Variants in ANK3 observed in about 807,000 individuals in gnomAD.
ANK3 encodes ankyrin-3.
In ANK3, 57 loss-of-function variants were observed where a neutral mutation model predicts 370.9. The ratio of observed to expected loss-of-function variants is 0.15; its 90% confidence interval spans 0.12 to 0.19. The LOEUF is 0.19. ANK3 is among the 10% of genes least tolerant of loss of function. The probability of loss-of-function intolerance (pLI) is 1.00; values close to 1 mark genes in which losing one functional copy is unlikely to be tolerated. For synonymous variants in ANK3, 1,929 were observed against 1,946.3 expected (o/e 0.99, Z 0.23); for missense variants, 4,439 against 5,302.1 (o/e 0.84, Z 5.06).
At chr10:60,556,713 A>G (rs904540266) in intron 2 of ANK3, among the ~76,000 whole-genome samples, 7 of 152,224 alleles carry the variant, frequency 4.6e-5, no homozygotes, top group African/African-American at 7.2e-5. Context: ...TAATACAATA[A>G]AAATCAAAGT....
intron 1 of ANK3, among the ~76,000 whole-genome samples, chr10:60,627,894 C>A (rs2078433142): frequency 6.6e-6 from 1 of 152,048 alleles, no homozygotes; most frequent in South Asian, 2.1e-4. Flanking sequence ...AAACTGAGCC[C>A]TGGAGAGGTT....
intron 42 of ANK3, among the ~76,000 whole-genome samples, chr10:60,049,769 G>A (rs969177318): frequency 2.0e-5 from 3 of 152,280 alleles, no homozygotes; most frequent in South Asian, 2.1e-4. Context: ...TAACTTGCTG[G>A]TGCATATCTA....
At chr10:60,728,233 T>C (rs1291829109) in intron 1 of ANK3, among the ~76,000 whole-genome samples, 1 of 152,212 alleles carries the variant, frequency 6.6e-6, no homozygotes, top group African/African-American at 2.4e-5. Flanking sequence ...GTTCTCCACC[T>C]ACTACGGGAA....
At chr10:60,676,017 T>C (rs868469051) in intron 1 of ANK3, among the ~76,000 whole-genome samples, 19 of 152,168 alleles carry the variant, frequency 1.2e-4, no homozygotes, top group Admixed American at 3.3e-4. Context: ...ACACAGGCTC[T>C]CTTCAAAAAT....
chr10:60,193,636 CAA>C (rs199524856), intron 16 of ANK3, among the ~76,000 whole-genome samples: 37 of 114,464 alleles, frequency 3.2e-4, no homozygotes, highest in Non-Finnish European at 4.3e-4. Flanking sequence ...GTCTGGGTGA[CAA>C]AAAAAAAAAA....
At chr10:60,170,201 A>G (rs147075510) in intron 21 of ANK3, among the ~76,000 whole-genome samples, 1 of 152,218 alleles carries the variant, frequency 6.6e-6, no homozygotes. Flanking sequence ...TTTGATTGTA[A>G]TCTAATTAAC....
chr10:60,284,853 A>T (rs1200951565), intron 1 of ANK3, among the ~76,000 whole-genome samples: 2 of 151,908 alleles, frequency 1.3e-5, no homozygotes, highest in African/African-American at 4.8e-5. Context: ...AAAAATCTCT[A>T]ATCTTTCCCC....
rs61845768 is a variant in ANK3 at position 60,070,826 on chromosome 10, T to C, written c.10055A>G (p.Glu3352Gly). The C allele has an allele frequency of 4.5e-3, 7,290 of 1,614,178 alleles. 31 individuals are homozygous for C. Among genetic ancestry groups the C allele is most frequent in the Middle Eastern group, 0.016 (99 of 6,062 alleles). The part of the protein sequence containing the change: ...EQKEKPKASA[E>G]KASNQKELES... ...CAGTTCTTTCTGGTTGGAAGCCTTT[T>C]CAGCAGAAGCTTTGGGTTTTTCTTT... The change falls in exon 37 of 44, where the codon GAA (glutamate) becomes GGA (glycine). Residue 3352 changes from glutamate to glycine, a missense_variant. By Grantham distance (98) the Glu-to-Gly change is moderately conservative. Around this residue, in one of 13 missense-constraint regions of ANK3, gnomAD observed 1,601 missense variants for 1,731.7 expected, o/e 0.92. Transcript: ENST00000280772. This position sits in a 1 kb window ranked among gnomAD's most constrained non-coding sequence, Gnocchi z 5.7.
Position 60,070,285 on chromosome 10 carries a change from A to G in ANK3, c.10596T>C (p.Phe3532=). 6.2e-7 allele frequency: 1 copy of G among 1,614,124 alleles called. No individual in the cohort carries two copies. The highest frequency in any genetic ancestry group is 2.2e-5 in the East Asian group (1 of 44,864). Residue 3532 remains phenylalanine, a synonymous_variant, in exon 37 of 44, where the codon TTT becomes TTC. Coordinates refer to ENST00000280772, the MANE Select transcript of ANK3 (RefSeq NM_020987.5). The surrounding 1 kb of genome is among the most constrained non-coding windows in gnomAD (Gnocchi z 5.7). Reference sequence around the variant, plus strand: ...CTAGACCTTTGGTAGCTACTGTTTTAAAAGGAGTGGCAAATTCTTCATCTA... The same window carrying G: ...CTAGACCTTTGGTAGCTACTGTTTTGAAAGGAGTGGCAAATTCTTCATCTA... ...YKVDEEFATP[F]KTVATKGLDF...
chr10:60,398,907 G>A (rs891486808), intron 2 of ANK3, among the ~76,000 whole-genome samples: 3 of 152,126 alleles, frequency 2.0e-5, no homozygotes, highest in Non-Finnish European at 4.4e-5. Flanking sequence ...CCCCTAGGGT[G>A]GGGAGAGGGC....
chr10:60,033,881 A>G (rs1335949393), intron 43 of ANK3, among the ~76,000 whole-genome samples: 3 of 152,150 alleles, frequency 2.0e-5, no homozygotes, highest in African/African-American at 2.4e-5. Context: ...AACAACAACA[A>G]TATCCAGGCC....
intron 2 of ANK3, among the ~76,000 whole-genome samples, chr10:60,613,104 G>C (rs192102347): frequency 6.6e-6 from 1 of 152,114 alleles, no homozygotes; most frequent in Non-Finnish European, 1.5e-5. Context: ...AGATATGACA[G>C]CCTATATTTT....
chr10:60,683,477 C>T (rs2079224255), intron 1 of ANK3, among the ~76,000 whole-genome samples: 1 of 152,148 alleles, frequency 6.6e-6, no homozygotes, highest in Non-Finnish European at 1.5e-5. Flanking sequence ...AGTACTTTGT[C>T]CTTATCCCCA....
chr10:60,502,771 GAAAGAAAAGAAAGAAAGAAA>G (rs1195050652), intron 2 of ANK3, among the ~76,000 whole-genome samples: 1 of 129,718 alleles, frequency 7.7e-6, no homozygotes, highest in Non-Finnish European at 1.7e-5. Context: ...AAAGAAAAAA[GAAAGAAAAGAAAGAAAGAAA>G]AAAGAAAAGA....
At chr10:60,562,534 C>T (rs1301829894) in intron 2 of ANK3, among the ~76,000 whole-genome samples, 2 of 152,114 alleles carry the variant, frequency 1.3e-5, no homozygotes, top group African/African-American at 4.8e-5. Flanking sequence ...CTGCCTCGGC[C>T]TCCAGAGTAG....
chr10:60,358,370 G>T (rs563538478), intron 1 of ANK3, among the ~76,000 whole-genome samples: 1 of 152,046 alleles, frequency 6.6e-6, no homozygotes, highest in African/African-American at 2.4e-5. Flanking sequence ...AGACACTGTT[G>T]GTTGGCCACA....
At chr10:60,303,544 C>T (rs1340097685) in intron 1 of ANK3, among the ~76,000 whole-genome samples, 1 of 151,890 alleles carries the variant, frequency 6.6e-6, no homozygotes, top group African/African-American at 2.4e-5. Context: ...TGAGCTATGA[C>T]CTCACACCAC....
chr10:60,100,397 G>T (rs781170420), intron 28 of ANK3, among the ~76,000 whole-genome samples: 3 of 151,914 alleles, frequency 2.0e-5, no homozygotes, highest in African/African-American at 7.3e-5. Context: ...GTGCTCAACT[G>T]CTTCTACAAT....
At chr10:60,176,289 T>C (rs1337128041) in intron 18 of ANK3, among the ~76,000 whole-genome samples, 1 of 139,538 alleles carries the variant, frequency 7.2e-6, no homozygotes, top group Non-Finnish European at 1.5e-5. Flanking sequence ...CACTTGAACC[T>C]GGGAAGCTGA....
Sources: allele counts gnomAD v4.1 joint callset (sites outside exome capture counted in the v4.1 genomes callset), GRCh38; gene constraint gnomAD v4.1.1; regional missense constraint gnomAD v4.1.1; non-coding constraint Gnocchi (gnomAD v3.1); transcripts MANE v1.5; gene names NCBI Gene and HGNC (gene_info 2026-07-23, HGNC 2026-07-21).